ME1: variants seen among roughly 807,000 people sequenced by gnomAD.
The protein encoded by ME1 is NADP-dependent malic enzyme.
ME1 carries 74 observed loss-of-function variants against 66.4 expected under a neutral mutation model. The ratio of observed to expected loss-of-function variants is 1.11; its 90% CI spans 0.92 to 1.35. The LOEUF (loss-of-function observed/expected upper bound fraction) is 1.35, where lower values mean the gene tolerates loss of function less well. Among genes scored for constraint, ME1 ranks in the 40% most tolerant of loss-of-function variants. The probability of loss-of-function intolerance (pLI) is 0.00; values close to 1 mark genes in which losing one functional copy is unlikely to be tolerated. For synonymous variants in ME1, 251 were observed against 235.6 expected (o/e 1.07, Z -0.60); for missense variants, 750 against 694.1 (o/e 1.08, Z -0.90).
At chr6:83,393,037 G>A in intron 3 of ME1, 1 of 1,270,220 alleles carries the variant, frequency 7.9e-7, no homozygotes. Flanking sequence ...GCCTCTACTG[G>A]TGCTGCCAAG....
chr6:83,286,126 C>T (rs1342438059), intron 6 of ME1, among the ~76,000 whole-genome samples: 1 of 152,114 alleles, frequency 6.6e-6, no homozygotes, highest in African/African-American at 2.4e-5. Context: ...AAAGTATGGG[C>T]TCTGGAGCCA....
intron 6 of ME1, among the ~76,000 whole-genome samples, chr6:83,259,557 T>C (rs1766844201): frequency 6.6e-6 from 1 of 152,188 alleles, no homozygotes; most frequent in South Asian, 2.1e-4. Flanking sequence ...TCAAGGACTT[T>C]AGAAGATCAG....
intron 3 of ME1, among the ~76,000 whole-genome samples, chr6:83,387,169 T>C (rs1769523322): frequency 6.6e-6 from 1 of 151,988 alleles, no homozygotes; most frequent in South Asian, 2.1e-4. Flanking sequence ...TCAAGCAAAA[T>C]TACCATACCA....
chr6:83,361,090 A>G (rs1768999523), intron 3 of ME1, among the ~76,000 whole-genome samples: 1 of 152,230 alleles, frequency 6.6e-6, no homozygotes, highest in African/African-American at 2.4e-5. Context: ...GCAAGATATG[A>G]CACTGGTCCA....
chr6:83,407,737 A>T (rs1769973081), intron 2 of ME1, 31 bp downstream of exon 2: 1 of 1,537,378 alleles, frequency 6.5e-7, no homozygotes, highest in Non-Finnish European at 8.7e-7. Flanking sequence ...GCATAAGAGA[A>T]ATATAAAAAC....
At chr6:83,246,345 CA>C (rs1047525075) in intron 7 of ME1, among the ~76,000 whole-genome samples, 1 of 151,894 alleles carries the variant, frequency 6.6e-6, no homozygotes, top group African/African-American at 2.4e-5. Flanking sequence ...CAGATAAAGA[CA>C]AAAAAAGTCA....
chr6:83,397,095 G>C (rs1245805355), intron 3 of ME1, among the ~76,000 whole-genome samples: 1 of 152,108 alleles, frequency 6.6e-6, no homozygotes, highest in Non-Finnish European at 1.5e-5. Flanking sequence ...TTTTAGATAT[G>C]ACCCCAGTGG....
At chr6:83,219,064 C>T (rs1790041393) in intron 12 of ME1, among the ~76,000 whole-genome samples, 1 of 152,112 alleles carries the variant, frequency 6.6e-6, no homozygotes, top group Non-Finnish European at 1.5e-5. Flanking sequence ...AAGTTATGGG[C>T]TCTTACCGAA....
chr6:83,270,040 A>G (rs1164762729), intron 6 of ME1, among the ~76,000 whole-genome samples: 1 of 152,100 alleles, frequency 6.6e-6, no homozygotes, highest in Non-Finnish European at 1.5e-5. Context: ...TTTTTTACAA[A>G]TATATCATAT....
chr6:83,237,341 G>A (rs151095407), intron 9 of ME1, among the ~76,000 whole-genome samples: 2,269 of 83,764 alleles, frequency 0.027, 16 homozygotes, highest in Non-Finnish European at 0.036. Flanking sequence ...AGGAAGGAAG[G>A]AAAGAAAGAA....
At chr6:83,249,562 G>C (rs1269497453) in intron 7 of ME1, among the ~76,000 whole-genome samples, 2 of 152,130 alleles carry the variant, frequency 1.3e-5, no homozygotes, top group Non-Finnish European at 2.9e-5. Context: ...TCAGTTTATA[G>C]GGTATTTCTA....
chr6:83,226,860 A>G (rs1200129947), intron 11 of ME1, among the ~76,000 whole-genome samples: 1 of 152,178 alleles, frequency 6.6e-6, no homozygotes, highest in African/African-American at 2.4e-5. Flanking sequence ...ATGTTGAAGC[A>G]TTGAGGACTC....
intron 6 of ME1, among the ~76,000 whole-genome samples, chr6:83,285,396 T>C (rs1160472901): frequency 6.6e-6 from 1 of 152,166 alleles, no homozygotes; most frequent in South Asian, 2.1e-4. Context: ...CTGGGGATAT[T>C]GCAGGAAACA....
At chr6:83,316,889 G>A (rs550645217) in intron 5 of ME1, among the ~76,000 whole-genome samples, 1 of 151,628 alleles carries the variant, frequency 6.6e-6, no homozygotes, top group Non-Finnish European at 1.5e-5. Flanking sequence ...CTGCACACTG[G>A]AAACTACAAA....
chr6:83,275,764 C>CTTTTTT (rs869196328), intron 6 of ME1, among the ~76,000 whole-genome samples: 4 of 38,052 alleles, frequency 1.1e-4, no homozygotes, highest in Non-Finnish European at 1.7e-4. Context: ...GGCGCCCGGC[C>CTTTTTT]TTTTTTTTTT....
chr6:83,422,972 T>C (rs1770297333), intron 1 of ME1, among the ~76,000 whole-genome samples: 3 of 151,892 alleles, frequency 2.0e-5, no homozygotes, highest in African/African-American at 7.2e-5. Flanking sequence ...CATATCAAAT[T>C]TGATAAAAGA....
chr6:83,431,001 C>T lies in ME1; in HGVS notation c.-47G>A, dbSNP rs780196058. On this transcript the variant is annotated 5_prime_UTR_variant, in exon 1 of 14. The change creates a new upstream start codon in the 5' untranslated region. Transcript: ENST00000369705. ...CGGGGTCAGGCCGGGGCGGGCCGCA[C>T]GCGCGGTGCAGGCGGCGGATGCTGC... 2 of 1,275,084 alleles carry T rather than the reference C, an allele frequency of 1.6e-6. No individual in the cohort carries two copies. The highest frequency in any genetic ancestry group is 2.9e-5 in the East Asian group (1 of 34,014). 79.0% of individuals were successfully genotyped at this position (1,275,084 alleles called of 1,614,324 possible).
chr6:83,381,688 T>C (rs538196619), intron 3 of ME1, among the ~76,000 whole-genome samples: 11 of 152,270 alleles, frequency 7.2e-5, no homozygotes, highest in African/African-American at 2.6e-4. Flanking sequence ...CTTGATTTCC[T>C]TGCTCCATAT....
At chr6:83,241,618 TA>T (rs1218950947) in intron 7 of ME1, among the ~76,000 whole-genome samples, 3 of 152,166 alleles carry the variant, frequency 2.0e-5, no homozygotes, top group Non-Finnish European at 4.4e-5. Context: ...ATCAGAAAGA[TA>T]TTTTTAGCAC....
Sources: gnomAD v4.1 joint callset for allele counts (sites outside exome capture counted in the v4.1 genomes callset) on GRCh38, gnomAD v4.1.1 for gene constraint, MANE v1.5 for transcripts, NCBI Gene and HGNC (gene_info 2026-07-23, HGNC 2026-07-21) for gene names.